WLS: variants seen among roughly 807,000 people sequenced by gnomAD.
The protein encoded by WLS is protein wntless homolog.
A neutral mutation model predicts 62.8 loss-of-function variants in WLS; 23 were observed. That is an observed-to-expected ratio of 0.37 (90% CI 0.26 to 0.52). The LOEUF (loss-of-function observed/expected upper bound fraction) is 0.52. Among genes scored for constraint, WLS ranks in the 20% least tolerant of loss-of-function variants. WLS has a pLI of 0.92. For missense variants in WLS, 615 were observed against 697.3 expected, an observed-to-expected ratio of 0.88 and a Z score of 1.33; for synonymous variants, 246 against 244.1, an observed-to-expected ratio of 1.01 and a Z score of -0.07.
intron 2 of WLS, among the ~76,000 whole-genome samples, chr1:68,178,290 T>C (rs1027933019): frequency 2.0e-5 from 3 of 152,226 alleles, no homozygotes; most frequent in Admixed American, 2.0e-4. Context: ...TTTAATTCTC[T>C]CTCCATGAAT....
At chr1:68,167,083 GT>G (rs1647070696) in intron 2 of WLS, among the ~76,000 whole-genome samples, 1 of 152,204 alleles carries the variant, frequency 6.6e-6, no homozygotes, top group South Asian at 2.1e-4. Context: ...TTCCTTACCT[GT>G]TAGGATAAGA....
At chr1:68,228,900 T>G (rs1650284464) in intron 1 of WLS, among the ~76,000 whole-genome samples, 1 of 146,698 alleles carries the variant, frequency 6.8e-6, no homozygotes, top group East Asian at 1.9e-4. Flanking sequence ...TTTTTTTGTT[T>G]TTTTTTTTTT....
intron 1 of WLS, among the ~76,000 whole-genome samples, chr1:68,216,754 T>C (rs1408101920): frequency 3.3e-5 from 5 of 152,014 alleles, no homozygotes; most frequent in Non-Finnish European, 7.4e-5. Flanking sequence ...AAGTAGAGGG[T>C]TAATGGTTTT....
At chr1:68,121,557 C>G (rs147217586), downstream of WLS, among the ~76,000 whole-genome samples, 63 of 152,292 alleles carry the variant, frequency 4.1e-4, no homozygotes, top group East Asian at 0.01. Flanking sequence ...CCCCATGCAA[C>G]AAAATCAATC....
chr1:68,166,976 G>T (rs570892654), intron 2 of WLS, among the ~76,000 whole-genome samples: 1 of 152,208 alleles, frequency 6.6e-6, no homozygotes, highest in East Asian at 1.9e-4. Context: ...AGGGAGAATG[G>T]CCTGTTCAAG....
At chr1:68,125,277 A>G (rs2100372859), downstream of WLS, 1 of 941,508 alleles carries the variant, frequency 1.1e-6, no homozygotes, top group South Asian at 4.9e-5. Context: ...ATGATAAAGT[A>G]TATCAGTTTT....
chr1:68,172,920 C>G (rs1314666368), intron 2 of WLS, among the ~76,000 whole-genome samples: 1 of 152,118 alleles, frequency 6.6e-6, no homozygotes, highest in Non-Finnish European at 1.5e-5. Context: ...GAAGCTTGCC[C>G]TGAGTGCTGC....
intron 5 of WLS, among the ~76,000 whole-genome samples, chr1:68,152,790 G>A (rs968564034): frequency 1.3e-5 from 2 of 152,286 alleles, no homozygotes; most frequent in African/African-American, 4.8e-5. Flanking sequence ...GAGATGGCAG[G>A]ACATGTTTGT....
rs567647948 is a variant in WLS at position 68,231,889 on chromosome 1, T to A, written c.106+305A>T. 540 of 449,020 alleles carry A rather than the reference T, an allele frequency of 1.2e-3. 2 individuals carry two copies. The highest frequency in any genetic ancestry group is 2.0e-3 in the Non-Finnish European group (470 of 234,138). 27.8% of individuals were successfully genotyped at this position (449,020 alleles called of 1,614,324 possible). A position where few individuals can be genotyped will look rare whatever the true frequency, so the allele number is the denominator to read the frequency against. ...GGGGGGGGGCGAGCAATCAACTTTGTAACCCAGCGCTTCCTCGCGCGATCC... is the reference window on the plus strand; with the variant it reads ...GGGGGGGGGCGAGCAATCAACTTTGAAACCCAGCGCTTCCTCGCGCGATCC... On this transcript the variant is annotated intron_variant, in intron 1 of 11. Coordinates refer to ENST00000262348, the MANE Select transcript of WLS (RefSeq NM_024911.7).
chr1:68,104,951 G>A (rs1461604383), intron 11 of WLS, among the ~76,000 whole-genome samples: 2 of 152,204 alleles, frequency 1.3e-5, no homozygotes, highest in Admixed American at 6.5e-5. Context: ...TGCAGGGATT[G>A]CACCCTCCTG....
intron 11 of WLS, chr1:68,117,795 G>A (rs998278590): frequency 1.3e-5 from 2 of 152,244 alleles, no homozygotes; most frequent in Non-Finnish European, 2.9e-5. Flanking sequence ...TGGATGGGAT[G>A]GCTCTGACAC....
intron 3 of WLS, among the ~76,000 whole-genome samples, chr1:68,156,091 T>C (rs556856156): frequency 1.3e-5 from 2 of 151,982 alleles, no homozygotes; most frequent in Non-Finnish European, 2.9e-5. Context: ...TAAATTCTGC[T>C]CCACCTCACC....
intron 1 of WLS, among the ~76,000 whole-genome samples, chr1:68,214,209 A>ACACACC (rs1221048820): frequency 1.3e-5 from 2 of 150,550 alleles, no homozygotes; most frequent in African/African-American, 4.9e-5. Context: ...ACACACACAC[A>ACACACC]CCCCATTTCC....
In WLS at chr1:68,150,886, T is replaced by G. The variant is rs1646816558; in HGVS notation, c.804-530A>C. ...CTGTCACACTAAGAACTGCCAATTC[T>G]CTACTAAAATATAATTCTTAAGTCA... On this transcript the variant is annotated intron_variant, in intron 5 of 11. Coordinates refer to ENST00000262348, the MANE Select transcript of WLS (RefSeq NM_024911.7). 3.3e-5 allele frequency among the ~76,000 whole-genome samples: 5 copies of G among 152,360 alleles called. No individual in the cohort carries two copies. In the South Asian group the frequency reaches 1.0e-3, roughly 32 times the overall value.
At chr1:68,184,004 T>C (rs1370930244) in intron 2 of WLS, among the ~76,000 whole-genome samples, 1 of 152,088 alleles carries the variant, frequency 6.6e-6, no homozygotes, top group African/African-American at 2.4e-5. Context: ...ACATAATGCT[T>C]TCATTACGTA....
intron 1 of WLS, among the ~76,000 whole-genome samples, chr1:68,214,669 T>C (rs1478417006): frequency 6.6e-6 from 1 of 152,204 alleles, no homozygotes; most frequent in African/African-American, 2.4e-5. Flanking sequence ...ATTTTTAAAC[T>C]GAAGAAGGCA....
chr1:68,202,944 G>C lies in WLS; in HGVS notation c.107-8717C>G, dbSNP rs568506414. The C allele has an allele frequency of 2.6e-5, 4 of 152,150 alleles. No homozygotes were observed. The South Asian group carries it at 8.3e-4, about 32-fold the overall frequency. 9.4% of individuals were successfully genotyped at this position (152,150 alleles called of 1,614,324 possible). On this transcript the variant is annotated intron_variant, in intron 1 of 11. Coordinates refer to ENST00000262348, the MANE Select transcript of WLS (RefSeq NM_024911.7). ...CTCACCATGGGCACACATTTATATT[G>C]GAATTTTAGGGTCAGAAAATACCAA... is the stretch of plus-strand genomic sequence containing the variant.
chr1:68,163,351 C>A (rs903661780), intron 2 of WLS, among the ~76,000 whole-genome samples: 2 of 152,192 alleles, frequency 1.3e-5, no homozygotes, highest in Non-Finnish European at 2.9e-5. Flanking sequence ...GCAAAAGGCG[C>A]CCACTCTGGA....
chr1:68,123,113 C>T (rs371099676), downstream of WLS, among the ~76,000 whole-genome samples: 1 of 152,164 alleles, frequency 6.6e-6, no homozygotes, highest in African/African-American at 2.4e-5. Context: ...AAACACAAGT[C>T]TCCATTTTAC....
Sources: gnomAD v4.1 joint callset for allele counts (sites outside exome capture counted in the v4.1 genomes callset) on GRCh38, gnomAD v4.1.1 for gene constraint, MANE v1.5 for transcripts, NCBI Gene and HGNC (gene_info 2026-07-23, HGNC 2026-07-21) for gene names.